The following CD226 variants were observed in gnomAD, a reference collection of about 807,000 sequenced individuals.
CD226 encodes CD226 molecule.
In CD226, 24 loss-of-function variants were observed where a neutral mutation model predicts 34.9. The observed-to-expected ratio is 0.69, with a 90% CI of 0.50 to 0.97. The LOEUF is 0.97. Among genes scored for constraint, CD226 ranks in the 50% least tolerant of loss-of-function variants. The probability of loss-of-function intolerance (pLI) is 0.00; values close to 1 mark genes in which losing one functional copy is unlikely to be tolerated. For synonymous variants in CD226, 148 were observed against 147.4 expected (o/e 1.00, Z -0.03); for missense variants, 397 against 412.7 (o/e 0.96, Z 0.33).
At chr18:69,897,261 G>A (rs568842403) in intron 2 of CD226, among the ~76,000 whole-genome samples, 2 of 152,224 alleles carry the variant, frequency 1.3e-5, no homozygotes, top group African/African-American at 4.8e-5. Flanking sequence ...CACTCCCTGA[G>A]GGCCTTCAGT....
At chr18:69,910,835 G>C (rs567875872) in intron 2 of CD226, among the ~76,000 whole-genome samples, 3 of 152,266 alleles carry the variant, frequency 2.0e-5, no homozygotes, top group African/African-American at 7.2e-5. Flanking sequence ...TATTAGAAGG[G>C]TAAGAGGGCC....
At chr18:69,900,726 G>A (rs1351512135) in intron 2 of CD226, among the ~76,000 whole-genome samples, 2 of 132,470 alleles carry the variant, frequency 1.5e-5, no homozygotes, top group South Asian at 2.5e-4. Flanking sequence ...GCGACAGAGC[G>A]AGACTCCGTC....
At chr18:69,943,348 G>A (rs1352423365) in intron 2 of CD226, among the ~76,000 whole-genome samples, 1 of 152,150 alleles carries the variant, frequency 6.6e-6, no homozygotes, top group African/African-American at 2.4e-5. Context: ...CACAAACTCT[G>A]CTAGAAAGGG....
At chr18:69,885,516 G>A (rs1365890391) in intron 3 of CD226, among the ~76,000 whole-genome samples, 2 of 152,056 alleles carry the variant, frequency 1.3e-5, no homozygotes, top group South Asian at 2.1e-4. Context: ...GCAGATTCCT[G>A]GAAAGCTGTT....
Position 69,895,957 on chromosome 18 carries a change from C to T in CD226, c.471G>A (p.Thr157=), listed in dbSNP as rs768831282. Residue 157 remains threonine, a synonymous_variant, in exon 3 of 6, where the codon ACG becomes ACA. Coordinates refer to ENST00000582621, the MANE Select transcript of CD226 (RefSeq NM_001303618.2). ...CCCACCTCACTGCCTGCACAGGCCA[C>T]GTCATCTGAGGCTGACAAGTGAGTG... The part of the protein sequence containing the change: ...NVTLTCQPQM[T]WPVQAVRWEK... The T allele has an allele frequency of 1.9e-6, 3 of 1,613,970 alleles. No individual in the cohort carries two copies. The highest frequency in any genetic ancestry group is 2.5e-6 in the Non-Finnish European group (3 of 1,179,914).
intron 3 of CD226, among the ~76,000 whole-genome samples, chr18:69,892,812 A>T (rs932235759): frequency 1.3e-5 from 2 of 151,706 alleles, no homozygotes; most frequent in East Asian, 3.9e-4. Flanking sequence ...TGAGAGTCCT[A>T]AAAATCTCTC....
At chr18:69,939,151 T>C (rs1023665909) in intron 2 of CD226, among the ~76,000 whole-genome samples, 5 of 152,186 alleles carry the variant, frequency 3.3e-5, no homozygotes, top group Admixed American at 6.5e-5. Context: ...TTGAGACAAA[T>C]GCAAAATAAA....
chr18:69,921,066 A>T (rs998332493), intron 2 of CD226, among the ~76,000 whole-genome samples: 16 of 152,072 alleles, frequency 1.1e-4, no homozygotes, highest in Non-Finnish European at 2.2e-4. Context: ...ACTTATACCC[A>T]ATGTTTCCTC....
intron 3 of CD226, among the ~76,000 whole-genome samples, chr18:69,894,155 A>G (rs1053019770): frequency 6.6e-6 from 1 of 150,458 alleles, no homozygotes; most frequent in Non-Finnish European, 1.5e-5. Context: ...AAAGGGAGGG[A>G]GGGAACTGTA....
At chr18:69,950,787 T>C (rs896765854), upstream of CD226, among the ~76,000 whole-genome samples, 2 of 152,128 alleles carry the variant, frequency 1.3e-5, no homozygotes, top group East Asian at 1.9e-4. Flanking sequence ...CTAAGAGCGA[T>C]TGGAGATTGT....
chr18:69,882,115 A>G (rs1443530913), intron 3 of CD226, among the ~76,000 whole-genome samples: 2 of 152,260 alleles, frequency 1.3e-5, no homozygotes, highest in Non-Finnish European at 2.9e-5. Context: ...ACTAAGAAAC[A>G]TAAGGCCCAG....
At chr18:69,943,730 T>C (rs537920274) in intron 2 of CD226, among the ~76,000 whole-genome samples, 29 of 152,300 alleles carry the variant, frequency 1.9e-4, no homozygotes, top group African/African-American at 7.0e-4. Context: ...TTGGAAAGAC[T>C]ACTAGACCTC....
At chr18:69,869,579 A>G (rs1983373738) in intron 4 of CD226, among the ~76,000 whole-genome samples, 1 of 152,186 alleles carries the variant, frequency 6.6e-6, no homozygotes, top group African/African-American at 2.4e-5. Context: ...TGGGTGATGC[A>G]ATATGCTATA....
At chr18:69,947,337 T>C (rs927081475) in intron 1 of CD226, 24 bp downstream of exon 1, 3 of 1,468,830 alleles carry the variant, frequency 2.0e-6, no homozygotes, top group African/African-American at 2.8e-5. Flanking sequence ...AACTTTTAAA[T>C]GAAAATATAA....
At chr18:69,936,148 T>C (rs538582501) in intron 2 of CD226, among the ~76,000 whole-genome samples, 4 of 152,348 alleles carry the variant, frequency 2.6e-5, no homozygotes, top group African/African-American at 9.6e-5. Flanking sequence ...TGAATTCCAC[T>C]GTATCAGCCA....
intron 2 of CD226, among the ~76,000 whole-genome samples, chr18:69,910,081 C>T (rs560180164): frequency 3.9e-5 from 6 of 152,292 alleles, no homozygotes; most frequent in South Asian, 4.1e-4. Context: ...AACACAAGAA[C>T]GGCAGCCTGA....
At chr18:69,914,220 A>G (rs575605990) in intron 2 of CD226, among the ~76,000 whole-genome samples, 36 of 152,152 alleles carry the variant, frequency 2.4e-4, no homozygotes, top group African/African-American at 8.2e-4. Context: ...CTGCAAAACT[A>G]CTCTACGACC....
Position 69,873,193 on chromosome 18 carries a change from A to G in CD226, c.781T>C (p.Leu261=), listed in dbSNP as rs1162083612. 1 of 1,611,864 alleles carries G rather than the reference A, an allele frequency of 6.2e-7. No homozygotes were observed. Among genetic ancestry groups the G allele is most frequent in the Non-Finnish European group, 8.5e-7 (1 of 1,178,030 alleles). The change falls in exon 4 of 6, where the codon TTG becomes CTG. Residue 261 remains leucine (L), a synonymous_variant. Coordinates refer to ENST00000582621, the MANE Select transcript of CD226 (RefSeq NM_001303618.2). ...LFVAGGTVLL[L]LFVISITTII... The stretch of plus-strand genomic sequence containing the variant: ...GTGGTAATTGAGATAACAAACAACA[A>G]CAATAAAACTGTCCCTCCAGCCACA...
intron 3 of CD226, among the ~76,000 whole-genome samples, chr18:69,882,031 G>A (rs943177241): frequency 2.0e-5 from 3 of 152,176 alleles, no homozygotes; most frequent in African/African-American, 4.8e-5. Flanking sequence ...AAGGGCCATG[G>A]CTTCAACCTC....
Sources: allele counts gnomAD v4.1 joint callset (sites outside exome capture counted in the v4.1 genomes callset), GRCh38; gene constraint gnomAD v4.1.1; transcripts MANE v1.5; gene names NCBI Gene and HGNC (gene_info 2026-07-23, HGNC 2026-07-21).